CA5B: variants seen among roughly 807,000 people sequenced by gnomAD.
The protein encoded by CA5B is carbonic anhydrase 5B, also known as carbonic anhydrase 5B, mitochondrial.
Under a neutral mutation model 23.1 loss-of-function variants are expected in CA5B, and 15 were observed. That is an observed-to-expected ratio of 0.65 (90% CI 0.43 to 1.00). The LOEUF is 1.00. Ranked by LOEUF, CA5B falls within the 50% of genes least tolerant of loss-of-function variation. CA5B has a pLI of 0.00. For missense variants in CA5B, 236 were observed against 252.2 expected, an observed-to-expected ratio of 0.94 and a Z score of 0.43; for synonymous variants, 84 against 98.5, an observed-to-expected ratio of 0.85 and a Z score of 0.87.
At chrX:15,758,972 T>C (rs1464013352) in intron 2 of CA5B, among the ~76,000 whole-genome samples, 1 of 111,875 alleles carries the variant, frequency 8.9e-6, no homozygotes, top group East Asian at 2.8e-4. Flanking sequence ...ACTGCACCTA[T>C]GTAATAAATG....
At chrX:15,754,062 G>C (rs905021494) in intron 2 of CA5B, among the ~76,000 whole-genome samples, 2 of 112,091 alleles carry the variant, frequency 1.8e-5, no homozygotes, top group African/African-American at 6.5e-5. Context: ...CTCTATTTGA[G>C]TGTTAAAGCT....
At chrX:15,741,091 G>A (rs1412756607) in intron 1 of CA5B, among the ~76,000 whole-genome samples, 3 of 108,086 alleles carry the variant, frequency 2.8e-5, no homozygotes, top group East Asian at 3.0e-4. Flanking sequence ...TTTTTGAGAC[G>A]GAGTCTCGCC....
In CA5B at chrX:15,784,674, G is replaced by C. The variant is rs1033126351; in HGVS notation, c.*2010G>C. On this transcript the variant is annotated 3_prime_UTR_variant, in exon 8 of 8. Coordinates refer to ENST00000318636, the MANE Select transcript of CA5B (RefSeq NM_007220.4). ...AACACTACTGAACTGTACACTTAAA[G>C]ATCGTTAGGAAGGAAACGGGACTAC... is the stretch of plus-strand genomic sequence containing the variant. The C allele has an allele frequency of 8.9e-6, 1 of 112,013 alleles. No homozygotes were observed. Among genetic ancestry groups the C allele is most frequent in the Non-Finnish European group, 1.9e-5 (1 of 53,252 alleles). The allele number at this position is 112,013 out of a possible 1,213,427, so 9.2% of individuals were successfully genotyped here. A position where few individuals can be genotyped will look rare whatever the true frequency, so the allele number is the denominator to read the frequency against.
At chrX:15,765,907 A>T (rs1216515720) in intron 3 of CA5B, among the ~76,000 whole-genome samples, 1 of 110,633 alleles carries the variant, frequency 9.0e-6, no homozygotes, top group Non-Finnish European at 1.9e-5. Flanking sequence ...CTGTAATCTC[A>T]GCATTTTGGG....
intron 2 of CA5B, among the ~76,000 whole-genome samples, chrX:15,752,220 G>A (rs771664470): frequency 1.1e-4 from 12 of 110,773 alleles, no homozygotes; most frequent in African/African-American, 3.3e-4. Context: ...CTATCTAAGG[G>A]GTCTGGGGAG....
At chrX:15,747,009 C>T (rs1227958538) in intron 1 of CA5B, among the ~76,000 whole-genome samples, 2 of 111,764 alleles carry the variant, frequency 1.8e-5, no homozygotes, top group Non-Finnish European at 3.8e-5. Context: ...GTTGTTAGTC[C>T]TGCAGAGGCA....
chrX:15,742,292 C>T (rs1329624422), intron 1 of CA5B, among the ~76,000 whole-genome samples: 1 of 112,768 alleles, frequency 8.9e-6, no homozygotes, highest in Non-Finnish European at 1.9e-5. Context: ...TTCCTACTTC[C>T]TGCTTCTTTC....
At chrX:15,759,342 T>G (rs1309844341) in intron 2 of CA5B, among the ~76,000 whole-genome samples, 1 of 111,016 alleles carries the variant, frequency 9.0e-6, no homozygotes, top group African/African-American at 3.3e-5. Flanking sequence ...TTTGGGGAGG[T>G]GATTAGATCG....
Position 15,782,840 on chromosome X carries a change from A to G in CA5B, c.*176A>G. ...AGGCTATTCGGTACCAGCAAGAGAC[A>G]CAAGTTTCTCTTACAGATACCTGTT... On this transcript the variant is annotated 3_prime_UTR_variant, in exon 8 of 8. Coordinates refer to ENST00000318636, the MANE Select transcript of CA5B (RefSeq NM_007220.4). 1 of 373,504 alleles carries G rather than the reference A, an allele frequency of 2.7e-6. No homozygotes were observed. The highest frequency in any genetic ancestry group is 4.6e-6 in the Non-Finnish European group (1 of 217,134). The allele number at this position is 373,504 out of a possible 1,213,427, so 30.8% of individuals were successfully genotyped here.
intron 3 of CA5B, 161 bp downstream of exon 3, chrX:15,764,936 C>G: frequency 1.1e-6 from 1 of 895,351 alleles, no homozygotes; most frequent in East Asian, 3.5e-5. Context: ...AAAATTCCTT[C>G]TAGTTTTTAT....
chrX:15,774,809 G>C (rs1931889519), intron 5 of CA5B, among the ~76,000 whole-genome samples: 1 of 111,612 alleles, frequency 9.0e-6, no homozygotes, highest in Non-Finnish European at 1.9e-5. Flanking sequence ...CTGCACTCCA[G>C]CCTGGGCAAC....
chrX:15,768,965 A>G (rs1931766346), intron 3 of CA5B: 1 of 111,907 alleles, frequency 8.9e-6, no homozygotes, highest in Admixed American at 9.6e-5. Context: ...TTTGGGATGC[A>G]GCTAAAGCAG....
intron 1 of CA5B, among the ~76,000 whole-genome samples, chrX:15,743,752 C>T (rs1569272777): frequency 9.0e-6 from 1 of 111,522 alleles, no homozygotes; most frequent in Non-Finnish European, 1.9e-5. Flanking sequence ...TCTAGCCCCA[C>T]CTCCTGCTGC....
At chrX:15,758,724 T>C (rs761852699) in intron 2 of CA5B, among the ~76,000 whole-genome samples, 4 of 111,333 alleles carry the variant, frequency 3.6e-5, no homozygotes, top group Admixed American at 1.9e-4. Context: ...GCCAGGCTGG[T>C]CTCAAACTAC....
chrX:15,777,147 A>G (rs1198254253), intron 7 of CA5B, among the ~76,000 whole-genome samples: 1 of 112,026 alleles, frequency 8.9e-6, no homozygotes, highest in African/African-American at 3.2e-5. Flanking sequence ...TATAAATATT[A>G]AACTCTATAC....
chrX:15,776,615 T>A, intron 6 of CA5B, 99 bp from the exon 7 acceptor site: 1 of 652,971 alleles, frequency 1.5e-6, no homozygotes, highest in Non-Finnish European at 2.5e-6. Context: ...GGACCACTGC[T>A]GATCTCCAGA....
At chrX:15,774,577 T>C (rs189390215) in intron 5 of CA5B, among the ~76,000 whole-genome samples, 180 bp downstream of exon 5, 286 of 112,103 alleles carry the variant, frequency 2.6e-3, no homozygotes, top group African/African-American at 8.8e-3. Flanking sequence ...CTCACGCCTG[T>C]AATCCCAGCA....
At chrX:15,753,548 C>G (rs1016264200) in intron 2 of CA5B, among the ~76,000 whole-genome samples, 1 of 112,339 alleles carries the variant, frequency 8.9e-6, no homozygotes, top group Non-Finnish European at 1.9e-5. Context: ...GGGCTCTCTA[C>G]AGAATGGACA....
At chrX:15,751,547 T>G (rs1232389883) in intron 2 of CA5B, among the ~76,000 whole-genome samples, 1 of 110,478 alleles carries the variant, frequency 9.1e-6, no homozygotes, top group Non-Finnish European at 1.9e-5. Context: ...TGCTTTTTTT[T>G]TTTTTGACAG....
Sources: allele counts gnomAD v4.1 joint callset (sites outside exome capture counted in the v4.1 genomes callset), GRCh38; gene constraint gnomAD v4.1.1; transcripts MANE v1.5; gene names NCBI Gene and HGNC (gene_info 2026-07-23, HGNC 2026-07-21).